Variants in JARID2 observed in about 807,000 individuals in gnomAD.
JARID2 encodes jumonji and AT-rich interaction domain containing 2.
JARID2 carries 21 observed loss-of-function variants against 125.6 expected under a neutral mutation model. The ratio of observed to expected loss-of-function variants is 0.17; its 90% confidence interval spans 0.12 to 0.24. JARID2 has a LOEUF of 0.24. Among genes scored for constraint, JARID2 ranks in the 10% least tolerant of loss-of-function variants. The pLI, the probability that JARID2 is intolerant of heterozygous loss-of-function variation, is 1.00. For synonymous variants in JARID2, 736 were observed against 661.6 expected (o/e 1.11, Z -1.73); for missense variants, 1,303 against 1,639.6 (o/e 0.79, Z 3.55).
chr6:15,450,467 G>A (rs566024008), intron 3 of JARID2, among the ~76,000 whole-genome samples: 7 of 152,266 alleles, frequency 4.6e-5, no homozygotes, highest in Non-Finnish European at 7.4e-5. Context: ...ACTGCGCCCG[G>A]CACTTATTTA....
At chr6:15,422,833 T>C (rs1406165067) in intron 3 of JARID2, among the ~76,000 whole-genome samples, 6 of 152,200 alleles carry the variant, frequency 3.9e-5, no homozygotes, top group Admixed American at 3.9e-4. Context: ...TGACTCTGTT[T>C]TGGGATTATA....
At chr6:15,441,471 C>G (rs1434570096) in intron 3 of JARID2, among the ~76,000 whole-genome samples, 2 of 152,192 alleles carry the variant, frequency 1.3e-5, no homozygotes, top group African/African-American at 4.8e-5. Context: ...ATGCTGGCTA[C>G]TTCATAAGAT....
intron 3 of JARID2, among the ~76,000 whole-genome samples, chr6:15,443,369 G>A (rs1767528134): frequency 1.3e-5 from 2 of 152,192 alleles, no homozygotes; most frequent in South Asian, 4.1e-4. Context: ...TAAGTGGAAG[G>A]AAATGCAGAT....
At chr6:15,457,614 T>C (rs1768246359) in intron 4 of JARID2, among the ~76,000 whole-genome samples, 1 of 151,900 alleles carries the variant, frequency 6.6e-6, no homozygotes, top group South Asian at 2.1e-4. Context: ...TTTTTTTTTT[T>C]TTTTTCCCTT....
At chr6:15,406,438 C>G (rs941114724) in intron 2 of JARID2, among the ~76,000 whole-genome samples, 33 of 152,064 alleles carry the variant, frequency 2.2e-4, no homozygotes, top group Admixed American at 7.2e-4. Flanking sequence ...GTCTCAAGGT[C>G]GGGGGAGAGG....
At chr6:15,514,821 T>C (rs1350682422) in intron 16 of JARID2, among the ~76,000 whole-genome samples, 2 of 152,176 alleles carry the variant, frequency 1.3e-5, no homozygotes, top group East Asian at 3.9e-4. Context: ...TCCTGGAGGT[T>C]CAACGTTTGC....
At chr6:15,481,408 T>C (rs1339317461) in intron 5 of JARID2, among the ~76,000 whole-genome samples, 14 of 152,210 alleles carry the variant, frequency 9.2e-5, no homozygotes, top group Admixed American at 8.5e-4. Context: ...TTGAACTTTC[T>C]GTCTTTCTCT....
chr6:15,382,278 AC>A (rs1764620187), intron 2 of JARID2, among the ~76,000 whole-genome samples: 1 of 152,084 alleles, frequency 6.6e-6, no homozygotes. Flanking sequence ...AGAACCAAAA[AC>A]CCCAAACGAG....
chr6:15,352,666 T>C (rs1421115353), intron 1 of JARID2, among the ~76,000 whole-genome samples: 4 of 152,184 alleles, frequency 2.6e-5, no homozygotes, highest in African/African-American at 7.2e-5. Context: ...TTCACTTGGC[T>C]GTCATGTAGG....
chr6:15,373,041 CTTAA>C (rs1581470548), intron 1 of JARID2, among the ~76,000 whole-genome samples: 1 of 152,134 alleles, frequency 6.6e-6, no homozygotes, highest in African/African-American at 2.4e-5. Context: ...TTATAAAATG[CTTAA>C]TTAAGTCTGA....
chr6:15,412,721 C>G (rs962800884), intron 3 of JARID2, among the ~76,000 whole-genome samples: 5 of 152,142 alleles, frequency 3.3e-5, no homozygotes, highest in Non-Finnish European at 5.9e-5. Flanking sequence ...GGTATGAACC[C>G]TGCCTTCAAA....
At chr6:15,324,118 G>T (rs1313798070) in intron 1 of JARID2, among the ~76,000 whole-genome samples, 2 of 150,262 alleles carry the variant, frequency 1.3e-5, no homozygotes, top group African/African-American at 4.9e-5. Context: ...GGCAGAGCTT[G>T]CAGTGAGCCA....
At chr6:15,438,496 G>A (rs1767308320) in intron 3 of JARID2, among the ~76,000 whole-genome samples, 2 of 152,190 alleles carry the variant, frequency 1.3e-5, no homozygotes, top group South Asian at 4.1e-4. Context: ...TCATTTCCAT[G>A]ATTCCTCTGC....
chr6:15,415,428 C>A (rs1298691840), intron 3 of JARID2, among the ~76,000 whole-genome samples: 1 of 150,360 alleles, frequency 6.7e-6, no homozygotes, highest in East Asian at 2.0e-4. Context: ...GACGGGGCGG[C>A]TGGCCGGGCG....
At chr6:15,489,973 G>A (rs1770070030) in intron 6 of JARID2, among the ~76,000 whole-genome samples, 1 of 152,222 alleles carries the variant, frequency 6.6e-6, no homozygotes, top group Non-Finnish European at 1.5e-5. Context: ...GACCTTCAAT[G>A]AGACTTGAGA....
chr6:15,275,521 A>ACCT (rs1228449106), intron 1 of JARID2, among the ~76,000 whole-genome samples: 1 of 12,622 alleles, frequency 7.9e-5, no homozygotes, highest in Non-Finnish European at 1.5e-4. Flanking sequence ...AAGTCCATTT[A>ACCT]CCGCCCCCCC....
intron 3 of JARID2, among the ~76,000 whole-genome samples, chr6:15,415,839 T>C (rs1206583610): frequency 1.0e-5 from 1 of 100,218 alleles, no homozygotes; most frequent in African/African-American, 3.5e-5. Context: ...CCCACCTCCC[T>C]CCCGGACGGG....
At chr6:15,439,427 T>C (rs1035336745) in intron 3 of JARID2, among the ~76,000 whole-genome samples, 18 of 152,134 alleles carry the variant, frequency 1.2e-4, no homozygotes, top group African/African-American at 4.3e-4. Flanking sequence ...TGTAATGCCA[T>C]CCAGAAAAAA....
At chr6:15,406,681 G>GT (rs1357361997) in intron 2 of JARID2, among the ~76,000 whole-genome samples, 1 of 152,092 alleles carries the variant, frequency 6.6e-6, no homozygotes, top group Non-Finnish European at 1.5e-5. Flanking sequence ...AGCCTTATCT[G>GT]TTTTGCATTT....
Sources: gnomAD v4.1 joint callset for allele counts (sites outside exome capture counted in the v4.1 genomes callset) on GRCh38, gnomAD v4.1.1 for gene constraint, MANE v1.5 for transcripts, NCBI Gene and HGNC (gene_info 2026-07-23, HGNC 2026-07-21) for gene names.